Variants in CDC73 observed in about 807,000 individuals in gnomAD.
CDC73 encodes cell division cycle 73, also known as parafibromin.
A neutral mutation model predicts 83.7 loss-of-function variants in CDC73; 21 were observed. That is an observed-to-expected ratio of 0.25 (90% CI 0.18 to 0.36). CDC73 has a LOEUF of 0.36. Among genes scored for constraint, CDC73 ranks in the 10% least tolerant of loss-of-function variants. CDC73 has a pLI of 1.00. For missense variants in CDC73, 342 were observed against 653.3 expected (o/e 0.52, Z 5.19); for synonymous variants, 224 against 212.9 (o/e 1.05, Z -0.45).
intron 11 of CDC73, among the ~76,000 whole-genome samples, chr1:193,210,514 A>G (rs1162734171): frequency 6.6e-6 from 1 of 152,202 alleles, no homozygotes; most frequent in Non-Finnish European, 1.5e-5. Context: ...CCTAAGATGT[A>G]TTCATCTTGT....
intron 7 of CDC73, among the ~76,000 whole-genome samples, chr1:193,143,023 C>T (rs895047428): frequency 2.0e-5 from 3 of 152,054 alleles, no homozygotes; most frequent in African/African-American, 7.2e-5. Flanking sequence ...ACTTGTGAAA[C>T]TGAAATTTAA....
Position 193,233,169 on chromosome 1 carries a change from A to G in CDC73, c.1316+15A>G, listed in dbSNP as rs372909512. 3.2e-6 allele frequency: 5 copies of G among 1,570,170 alleles called. No individual in the cohort carries two copies. The highest frequency in any genetic ancestry group is 2.3e-5 in the East Asian group (1 of 44,402). On this transcript the variant is annotated intron_variant, in intron 14 of 16. Coordinates refer to ENST00000367435, the MANE Select transcript of CDC73 (RefSeq NM_024529.5). ...CCTCAAGACTGGTAAGATAGTCTCT[A>G]TATATATATCTTTTCACAGGTGTTG...
chr1:193,187,143 T>A (rs1408311752), intron 10 of CDC73, among the ~76,000 whole-genome samples: 1 of 134,834 alleles, frequency 7.4e-6, no homozygotes, highest in East Asian at 2.4e-4. Flanking sequence ...ATAAGCTGTC[T>A]TGGATTACTT....
At chr1:193,232,893 ACT>A (rs1677685394) in intron 13 of CDC73, 98 bp from the exon 14 acceptor site, 8 of 1,036,636 alleles carry the variant, frequency 7.7e-6, no homozygotes, top group African/African-American at 3.3e-5. Context: ...ATAAGAAAAA[ACT>A]CTGTCTCAAA....
At chr1:193,225,600 C>G (rs956134534) in intron 13 of CDC73, among the ~76,000 whole-genome samples, 1 of 152,002 alleles carries the variant, frequency 6.6e-6, no homozygotes, top group Non-Finnish European at 1.5e-5. Flanking sequence ...TAGGGCCATT[C>G]TTGCAGAAGT....
intron 15 of CDC73, chr1:193,236,726 C>A (rs944385008): frequency 3.8e-6 from 1 of 265,090 alleles, no homozygotes; most frequent in African/African-American, 2.3e-5. Context: ...GAAACCCTGT[C>A]TCTACTAAAA....
intron 1 of CDC73, among the ~76,000 whole-genome samples, chr1:193,123,288 C>T (rs1010612960): frequency 2.0e-5 from 3 of 152,104 alleles, no homozygotes; most frequent in African/African-American, 4.8e-5. Context: ...AGTGCAGTGG[C>T]GCGATCTTGG....
At chr1:193,219,467 C>T (rs1677428032) in intron 13 of CDC73, among the ~76,000 whole-genome samples, 1 of 152,084 alleles carries the variant, frequency 6.6e-6, no homozygotes, top group Non-Finnish European at 1.5e-5. Context: ...GCACGTTTTA[C>T]AATATTAAAG....
chr1:193,250,823 G>A lies in CDC73; in HGVS notation c.*111G>A. 1 of 990,636 alleles carries A rather than the reference G, an allele frequency of 1.0e-6. No individual in the cohort carries two copies. The highest frequency in any genetic ancestry group is 1.4e-5 in the South Asian group (1 of 73,736). The allele number at this position is 990,636 out of a possible 1,614,324, so 61.4% of individuals were successfully genotyped here. On this transcript the variant is annotated 3_prime_UTR_variant, in exon 17 of 17. Coordinates refer to ENST00000367435, the MANE Select transcript of CDC73 (RefSeq NM_024529.5). The stretch of plus-strand genomic sequence containing the variant: ...GATCTTTTATAAGACCTTATTTGAT[G>A]CTTTGTGCTTCAAGGAGATGATACC...
At chr1:193,206,194 G>A (rs1335332500) in intron 11 of CDC73, among the ~76,000 whole-genome samples, 2 of 151,850 alleles carry the variant, frequency 1.3e-5, no homozygotes, top group African/African-American at 2.4e-5. Flanking sequence ...GATCATATGT[G>A]TAAAGTAAGG....
chr1:193,235,645 A>G (rs1024958489), intron 14 of CDC73, among the ~76,000 whole-genome samples: 11 of 152,194 alleles, frequency 7.2e-5, no homozygotes, highest in South Asian at 4.2e-4. Context: ...TTTGGTTGGG[A>G]AAAAAATGCT....
At chr1:193,225,115 C>G (rs1677543872) in intron 13 of CDC73, among the ~76,000 whole-genome samples, 1 of 151,914 alleles carries the variant, frequency 6.6e-6, no homozygotes, top group South Asian at 2.1e-4. Context: ...CTCCCACTTA[C>G]AAATGAGATC....
At chr1:193,164,678 A>G (rs537992315) in intron 10 of CDC73, among the ~76,000 whole-genome samples, 2 of 151,940 alleles carry the variant, frequency 1.3e-5, no homozygotes, top group Non-Finnish European at 2.9e-5. Flanking sequence ...AGTCCAGGGT[A>G]CCTTTCCCCT....
At chr1:193,162,632 G>GTGC (rs1676360050) in intron 10 of CDC73, among the ~76,000 whole-genome samples, 1 of 151,916 alleles carries the variant, frequency 6.6e-6, no homozygotes, top group South Asian at 2.1e-4. Flanking sequence ...GGCTTCCAAA[G>GTGC]TGCTGGGATT....
intron 10 of CDC73, among the ~76,000 whole-genome samples, chr1:193,158,239 G>T (rs1364703598): frequency 6.6e-6 from 1 of 152,056 alleles, no homozygotes; most frequent in African/African-American, 2.4e-5. Context: ...TTATAGCAGA[G>T]ATCTTTTGCA....
At chr1:193,202,567 A>C (rs1677110238) in intron 10 of CDC73, among the ~76,000 whole-genome samples, 1 of 151,636 alleles carries the variant, frequency 6.6e-6, no homozygotes, top group Admixed American at 6.6e-5. Context: ...CTAAATGCGC[A>C]ATAGTGAGAA....
Position 193,152,366 on chromosome 1 carries a change from C to CTTTTTTTT in CDC73, c.908-13_908-6dup. ...TCTATAAAATCTTAACAATAAGCCTCTTTTTTTTCGTAGAAACGGAAGGCT... is the reference window on the plus strand; with the variant it reads ...TCTATAAAATCTTAACAATAAGCCTCTTTTTTTTTTTTTTTTCGTAGAAACGGAAGGCT... On this transcript the variant is annotated splice_polypyrimidine_tract_variant and intron_variant, in intron 9 of 16. Coordinates refer to ENST00000367435, the MANE Select transcript of CDC73 (RefSeq NM_024529.5). The CTTTTTTTT allele has an allele frequency of 6.3e-7, 1 of 1,580,186 alleles. No individual in the cohort carries two copies.
At chr1:193,216,180 G>T (rs896765160) in intron 13 of CDC73, among the ~76,000 whole-genome samples, 1 of 151,968 alleles carries the variant, frequency 6.6e-6, no homozygotes, top group Non-Finnish European at 1.5e-5. Flanking sequence ...GAAATAATAC[G>T]ATTAATAGAC....
intron 7 of CDC73, among the ~76,000 whole-genome samples, chr1:193,144,946 T>A (rs555997241): frequency 6.6e-6 from 1 of 152,158 alleles, no homozygotes; most frequent in Non-Finnish European, 1.5e-5. Flanking sequence ...TTCTTTATGC[T>A]GCTGTCACCA....
Sources: allele counts gnomAD v4.1 joint callset (sites outside exome capture counted in the v4.1 genomes callset), GRCh38; gene constraint gnomAD v4.1.1; transcripts MANE v1.5; gene names NCBI Gene and HGNC (gene_info 2026-07-23, HGNC 2026-07-21).